Variants in RAB38 observed in about 807,000 individuals in gnomAD.
RAB38 encodes RAB38, member RAS oncogene family.
Under a neutral mutation model 18.4 loss-of-function variants are expected in RAB38, and 15 were observed. That is an observed-to-expected ratio of 0.82 (90% CI 0.55 to 1.26). The LOEUF is 1.26. Among genes scored for constraint, RAB38 ranks in the 50% most tolerant of loss-of-function variants. The pLI is 0.00. For missense variants in RAB38, 294 were observed against 267.4 expected, an observed-to-expected ratio of 1.10 and a Z score of -0.69; for synonymous variants, 101 against 104.4, an observed-to-expected ratio of 0.97 and a Z score of 0.20.
At chr11:87,962,050 A>AAT in the RAB38 span, among the ~76,000 whole-genome samples, 1 of 152,084 alleles carries the variant, frequency 6.6e-6, no homozygotes, top group African/African-American at 2.4e-5. Context: ...AAAGCTACCT[A>AAT]ATTACCAATT....
At chr11:87,931,086 T>G in the RAB38 span, among the ~76,000 whole-genome samples, 1 of 152,132 alleles carries the variant, frequency 6.6e-6, no homozygotes, top group South Asian at 2.1e-4. Flanking sequence ...AGTAGTTGTT[T>G]CCAATTCTGT....
intron 1 of RAB38, among the ~76,000 whole-genome samples, chr11:88,155,095 G>A (rs978120434): frequency 3.9e-5 from 6 of 152,056 alleles, no homozygotes; most frequent in Non-Finnish European, 8.8e-5. Context: ...ACCTGATGCT[G>A]AGGTACACAA....
the RAB38 span, among the ~76,000 whole-genome samples, chr11:87,904,201 T>G: frequency 0.96 from 145,358 of 151,654 alleles, 69,686 homozygotes; most frequent in East Asian, 1. Flanking sequence ...CATCACCCAG[T>G]CACTAAGCAT....
In RAB38 at chr11:88,161,415, T is replaced by A. The variant is rs35973533; in HGVS notation, c.203-11460A>T. ...TGTCCTGACAGCTGGAATCACTGAA[T>A]CTCTTCTTTATGAACCCATAGAATT... On this transcript the variant is annotated intron_variant, in intron 1 of 2. Coordinates refer to ENST00000243662, the MANE Select transcript of RAB38 (RefSeq NM_022337.3). 9.0e-3 allele frequency among the ~76,000 whole-genome samples: 1,373 copies of A among 152,146 alleles called. 21 individuals are homozygous for A. The highest frequency in any genetic ancestry group is 0.031 in the African/African-American group (1,306 of 41,538).
At chr11:88,081,051 ATAAT>A in the RAB38 span, among the ~76,000 whole-genome samples, 4 of 152,076 alleles carry the variant, frequency 2.6e-5, no homozygotes, top group South Asian at 6.2e-4. Flanking sequence ...AAAGATTCTC[ATAAT>A]TAATCATTAG....
At chr11:87,919,982 C>A in the RAB38 span, among the ~76,000 whole-genome samples, 2 of 151,726 alleles carry the variant, frequency 1.3e-5, no homozygotes, top group African/African-American at 4.8e-5. Flanking sequence ...GTTGTTATGT[C>A]ATTTCTTTCA....
At chr11:87,920,652 A>G in the RAB38 span, among the ~76,000 whole-genome samples, 1 of 151,998 alleles carries the variant, frequency 6.6e-6, no homozygotes, top group Non-Finnish European at 1.5e-5. Context: ...TATTAGGTCC[A>G]TTTGGTCTAA....
the RAB38 span, among the ~76,000 whole-genome samples, chr11:87,940,390 C>T: frequency 2.0e-5 from 3 of 152,060 alleles, no homozygotes; most frequent in Non-Finnish European, 4.4e-5. Flanking sequence ...TAATTTCCCT[C>T]AATATCTGTT....
the RAB38 span, among the ~76,000 whole-genome samples, chr11:87,823,059 C>T: frequency 0.25 from 37,623 of 151,884 alleles, 6,008 homozygotes; most frequent in African/African-American, 0.45. Flanking sequence ...CAAAACTTGA[C>T]GAACCTACAA....
the RAB38 span, among the ~76,000 whole-genome samples, chr11:87,976,340 T>A: frequency 7.0e-6 from 1 of 143,354 alleles, no homozygotes; most frequent in East Asian, 2.0e-4. Context: ...TATGTAGGTA[T>A]ATATATAAAA....
At chr11:87,888,136 A>C in the RAB38 span, among the ~76,000 whole-genome samples, 1 of 151,916 alleles carries the variant, frequency 6.6e-6, no homozygotes, top group Admixed American at 6.6e-5. Flanking sequence ...AATCCTCTTC[A>C]AATGTTTCCT....
chr11:88,070,594 T>A, the RAB38 span, among the ~76,000 whole-genome samples: 3 of 152,154 alleles, frequency 2.0e-5, no homozygotes, highest in Non-Finnish European at 2.9e-5. Flanking sequence ...TTCATGCACA[T>A]GTGAGAAAGA....
the RAB38 span, among the ~76,000 whole-genome samples, chr11:87,840,616 T>C: frequency 6.6e-6 from 1 of 152,200 alleles, no homozygotes; most frequent in African/African-American, 2.4e-5. Context: ...CCCAGTGATA[T>C]AAGTCTATTT....
the RAB38 span, chr11:87,816,631 A>C: frequency 1.3e-4 from 19 of 151,972 alleles, no homozygotes; most frequent in Non-Finnish European, 2.2e-4. Context: ...AACTCTCTCT[A>C]TATATATCAT....
At chr11:88,029,426 C>A in the RAB38 span, among the ~76,000 whole-genome samples, 1 of 151,986 alleles carries the variant, frequency 6.6e-6, no homozygotes, top group Non-Finnish European at 1.5e-5. Context: ...TTAAAAGACA[C>A]AGACTGGCAA....
At chr11:87,826,375 C>T in the RAB38 span, among the ~76,000 whole-genome samples, 3,792 of 152,100 alleles carry the variant, frequency 0.025, 91 homozygotes, top group African/African-American at 0.064. Context: ...AATATTTCAT[C>T]ATTAATGTAG....
At chr11:88,111,654 T>C (rs1942475437), downstream of RAB38, among the ~76,000 whole-genome samples, 1 of 152,206 alleles carries the variant, frequency 6.6e-6, no homozygotes, top group South Asian at 2.1e-4. Flanking sequence ...TTTAATAGTC[T>C]ACCACTTAAT....
chr11:88,005,167 C>G, the RAB38 span, among the ~76,000 whole-genome samples: 1 of 151,218 alleles, frequency 6.6e-6, no homozygotes, highest in Admixed American at 6.6e-5. Flanking sequence ...AAAATAAAAA[C>G]TCAGAATAAC....
chr11:88,157,402 C>A (rs886227714), intron 1 of RAB38, among the ~76,000 whole-genome samples: 10 of 152,162 alleles, frequency 6.6e-5, no homozygotes, highest in Non-Finnish European at 1.0e-4. Context: ...TAGTGGGGGA[C>A]TTCAATATCC....
Sources: allele counts gnomAD v4.1 joint callset (sites outside exome capture counted in the v4.1 genomes callset), GRCh38; gene constraint gnomAD v4.1.1; transcripts MANE v1.5; gene names NCBI Gene and HGNC (gene_info 2026-07-23, HGNC 2026-07-21).